Variants in DNM3 observed in about 807,000 individuals in gnomAD.
DNM3 encodes the protein dynamin-3.
In DNM3, 47 loss-of-function variants were observed where a neutral mutation model predicts 101.6. The ratio of observed to expected loss-of-function variants is 0.46; its 90% CI spans 0.37 to 0.59. The LOEUF (loss-of-function observed/expected upper bound fraction) is 0.59. Among genes scored for constraint, DNM3 ranks in the 20% least tolerant of loss-of-function variants. DNM3 has a pLI of 0.00. For missense variants in DNM3, 849 were observed against 1,085.7 expected (o/e 0.78, Z 3.06); for synonymous variants, 385 against 387.9 (o/e 0.99, Z 0.09).
At chr1:171,972,468 G>A (rs1244670768) in intron 2 of DNM3, among the ~76,000 whole-genome samples, 1 of 152,202 alleles carries the variant, frequency 6.6e-6, no homozygotes, top group African/African-American at 2.4e-5. Flanking sequence ...GCCTTGTTAG[G>A]TTGTTTTGAT....
intron 10 of DNM3, among the ~76,000 whole-genome samples, chr1:172,052,517 G>A (rs1347239519): frequency 3.9e-5 from 6 of 152,124 alleles, no homozygotes; most frequent in Non-Finnish European, 5.9e-5. Flanking sequence ...GTCATCTCCA[G>A]TTAATTCCTC....
At chr1:172,274,669 T>C (rs555840771) in intron 15 of DNM3, among the ~76,000 whole-genome samples, 3 of 152,084 alleles carry the variant, frequency 2.0e-5, no homozygotes, top group African/African-American at 7.2e-5. Context: ...TGGTGAGAAA[T>C]TTAAAACCGA....
At chr1:172,072,876 G>C (rs552157673) in intron 11 of DNM3, among the ~76,000 whole-genome samples, 76 of 152,244 alleles carry the variant, frequency 5.0e-4, no homozygotes, top group Non-Finnish European at 9.4e-4. Context: ...AATAGAGTGA[G>C]ACTTGTCTCA....
At chr1:172,363,405 A>G (rs974238160) in intron 17 of DNM3, among the ~76,000 whole-genome samples, 1 of 151,930 alleles carries the variant, frequency 6.6e-6, no homozygotes, top group African/African-American at 2.4e-5. Context: ...TGAAGTCACC[A>G]TATCAGTCTT....
At chr1:172,296,300 C>G (rs1376809223) in intron 15 of DNM3, among the ~76,000 whole-genome samples, 1 of 152,212 alleles carries the variant, frequency 6.6e-6, no homozygotes, top group East Asian at 1.9e-4. Flanking sequence ...ACAAGTCTCT[C>G]CACCAAAGCA....
At chr1:172,013,697 C>CA (rs990902622) in intron 4 of DNM3, among the ~76,000 whole-genome samples, 6 of 151,348 alleles carry the variant, frequency 4.0e-5, no homozygotes, top group African/African-American at 1.5e-4. Flanking sequence ...AGGAGTTGAC[C>CA]AAAAAAATAA....
rs2039629223 is a variant in DNM3, at chr1:171,915,367, T to A, written c.162-6381T>A. Among the ~76,000 whole-genome samples the A allele has an allele frequency of 2.0e-5, 3 of 152,236 alleles. No individual in the cohort carries two copies. In the South Asian group the frequency reaches 6.2e-4, roughly 32 times the overall value. The stretch of plus-strand genomic sequence containing the variant: ...GGTGCTCAAATTAGATGCAGGGAAA[T>A]TAGTTGTGAGATTAGTGTAGCAGTT... On this transcript the variant is annotated intron_variant, in intron 1 of 20. Coordinates refer to ENST00000627582, the MANE Select transcript of DNM3 (RefSeq NM_015569.5).
chr1:172,073,916 C>A (rs987501152), intron 11 of DNM3, among the ~76,000 whole-genome samples: 1 of 152,152 alleles, frequency 6.6e-6, no homozygotes, highest in African/African-American at 2.4e-5. Flanking sequence ...CTCCACTTCT[C>A]TCTTGTTTTC....
At chr1:172,286,088 T>C (rs1194151334) in intron 15 of DNM3, among the ~76,000 whole-genome samples, 1 of 126,888 alleles carries the variant, frequency 7.9e-6, no homozygotes, top group Non-Finnish European at 1.7e-5. Context: ...ATATATATAC[T>C]ATTATCATTT....
chr1:172,033,339 TTTTAAG>T, intron 6 of DNM3, 74 bp downstream of exon 6: 5 of 1,438,470 alleles, frequency 3.5e-6, no homozygotes, highest in Non-Finnish European at 3.7e-6. Flanking sequence ...TATTTATTAT[TTTTAAG>T]TTTATTTTTT....
At chr1:172,257,232 G>A (rs1164723215) in intron 15 of DNM3, among the ~76,000 whole-genome samples, 1 of 151,968 alleles carries the variant, frequency 6.6e-6, no homozygotes, top group Non-Finnish European at 1.5e-5. Flanking sequence ...ACTGTTCTAT[G>A]CTTAAAATAC....
chr1:171,875,314 C>A (rs559038220), intron 1 of DNM3, among the ~76,000 whole-genome samples: 4 of 152,336 alleles, frequency 2.6e-5, no homozygotes, highest in African/African-American at 9.6e-5. Flanking sequence ...CTTTCCTCTG[C>A]AGGCTTGCCA....
intron 10 of DNM3, among the ~76,000 whole-genome samples, chr1:172,052,807 T>C (rs549907311): frequency 4.7e-4 from 72 of 152,274 alleles, no homozygotes; most frequent in African/African-American, 1.7e-3. Context: ...ATTTTCTCCT[T>C]GACAGATCAT....
intron 20 of DNM3, among the ~76,000 whole-genome samples, chr1:172,389,406 C>T (rs151028958): frequency 2.0e-5 from 3 of 151,576 alleles, no homozygotes; most frequent in East Asian, 1.9e-4. Context: ...GATCATTGTA[C>T]ATCTGAATAA....
Position 171,921,836 on chromosome 1 carries a change from T to C in DNM3, c.235+15T>C, listed in dbSNP as rs764801105. 5.7e-6 allele frequency: 9 copies of C among 1,588,086 alleles called. No homozygotes were observed. The highest frequency in any genetic ancestry group is 2.3e-5 in the East Asian group (1 of 44,106). On this transcript the variant is annotated intron_variant, in intron 2 of 20. Transcript: ENST00000627582. Reference sequence around the variant, plus strand: ...TTCTAAAGCAGGTAATGAATGAAGATGTTTACCGCATGGATGGGCACATCC... The same window carrying C: ...TTCTAAAGCAGGTAATGAATGAAGACGTTTACCGCATGGATGGGCACATCC...
chr1:172,349,888 T>C lies in DNM3; in HGVS notation c.1893+26548T>C, dbSNP rs186279131. ...TTTATACAATGATATGTGAAGAGGA[T>C]TACTATAATGCAAGAGGTTAAAAAC... On this transcript the variant is annotated intron_variant, in intron 17 of 20. Transcript: ENST00000627582. 3.9e-5 allele frequency among the ~76,000 whole-genome samples: 6 copies of C among 152,226 alleles called. No individual in the cohort carries two copies. In the East Asian group the frequency reaches 9.6e-4, roughly 24 times the overall value.
At chr1:171,886,084 G>A (rs1411910040) in intron 1 of DNM3, among the ~76,000 whole-genome samples, 1 of 152,156 alleles carries the variant, frequency 6.6e-6, no homozygotes. Flanking sequence ...AGTCAGATTT[G>A]TCTCAACTTA....
intron 14 of DNM3, among the ~76,000 whole-genome samples, chr1:172,196,280 A>G (rs2148464489): frequency 1.3e-5 from 2 of 152,104 alleles, no homozygotes; most frequent in South Asian, 4.2e-4. Context: ...TATATGTACC[A>G]TATTTCGTTT....
At chr1:172,168,260 T>C (rs369320522) in intron 14 of DNM3, among the ~76,000 whole-genome samples, 5 of 149,652 alleles carry the variant, frequency 3.3e-5, no homozygotes, top group African/African-American at 1.2e-4. Flanking sequence ...TTTTTTTTTG[T>C]CTTTTCTTAA....
Sources: allele counts gnomAD v4.1 joint callset (sites outside exome capture counted in the v4.1 genomes callset), GRCh38; gene constraint gnomAD v4.1.1; transcripts MANE v1.5; gene names NCBI Gene and HGNC (gene_info 2026-07-23, HGNC 2026-07-21).